The following AFAP1 variants were observed in gnomAD, a reference collection of about 807,000 sequenced individuals.
The protein encoded by AFAP1 is actin filament-associated protein 1.
A neutral mutation model predicts 93.9 loss-of-function variants in AFAP1; 75 were observed. The ratio of observed to expected loss-of-function variants is 0.80; its 90% CI spans 0.66 to 0.97. AFAP1 has a LOEUF of 0.97. Among genes scored for constraint, AFAP1 ranks in the 50% least tolerant of loss-of-function variants. The pLI, the probability that AFAP1 is intolerant of heterozygous loss-of-function variation, is 0.00. For missense variants in AFAP1, 1,201 were observed against 1,050.8 expected, an observed-to-expected ratio of 1.14 and a Z score of -1.98; for synonymous variants, 517 against 430.7, an observed-to-expected ratio of 1.20 and a Z score of -2.48.
Position 7,774,818 on chromosome 4 carries a change from C to A in AFAP1, c.1983G>T (p.Arg661Ser). The A allele has an allele frequency of 6.2e-7, 1 of 1,614,232 alleles. No individual in the cohort carries two copies. Among genetic ancestry groups the A allele is most frequent in the Non-Finnish European group, 8.5e-7 (1 of 1,180,040 alleles). Reference sequence around the variant, plus strand: ...CCAGCCTATTCCGCAGGGCCTCTTTCCTCTTCAGCAGCTCCTCCTCTTTGG... The same window carrying A: ...CCAGCCTATTCCGCAGGGCCTCTTTACTCTTCAGCAGCTCCTCCTCTTTGG... ...LQTKEEELLK[R>S]KEALRNRLAQ... is the part of the protein sequence containing the mutation. The change falls in exon 15 of 18, where the codon AGG (arginine) becomes AGT (serine). Residue 661 changes from arginine to serine, a missense_variant. Arg to Ser is a moderately radical substitution (Grantham distance 110, BLOSUM62 -1). Transcript: ENST00000420658.
At chr4:7,864,740 A>G (rs1372009925) in intron 3 of AFAP1, among the ~76,000 whole-genome samples, 1 of 152,232 alleles carries the variant, frequency 6.6e-6, no homozygotes, top group Non-Finnish European at 1.5e-5. Context: ...TAATTTGACC[A>G]TTACATAATA....
In AFAP1 at chr4:7,838,629, C is replaced by T. The variant is rs144556165; in HGVS notation, c.621G>A (p.Pro207=). The change falls in exon 6 of 18, where the codon CCG becomes CCA. Residue 207 remains proline, a synonymous_variant. Coordinates refer to ENST00000420658, the MANE Select transcript of AFAP1 (RefSeq NM_001134647.2). The part of the protein sequence containing the change: ...PLQGCNITYI[P]KDSKKKKHEL... ...CGTGCTTCTTCTTTTTGCTGTCTTT[C>T]GGGATGTACGTAATGTTACAGCCTT... 5.0e-6 allele frequency: 8 copies of T among 1,613,992 alleles called. No homozygotes were observed. Among genetic ancestry groups the T allele is most frequent in the South Asian group, 1.1e-5 (1 of 91,084 alleles).
intron 1 of AFAP1, among the ~76,000 whole-genome samples, chr4:7,903,044 T>C (rs1719204795): frequency 6.6e-6 from 1 of 152,204 alleles, no homozygotes; most frequent in South Asian, 2.1e-4. Flanking sequence ...CAGGCAAGTA[T>C]CTGAGGATGA....
intron 1 of AFAP1, among the ~76,000 whole-genome samples, chr4:7,892,855 G>A (rs140151050): frequency 5.9e-5 from 9 of 152,264 alleles, no homozygotes; most frequent in African/African-American, 9.6e-5. Flanking sequence ...GAGCAGCGGG[G>A]TGGGGGATCC....
At chr4:7,863,061 G>T (rs1248514357) in intron 3 of AFAP1, among the ~76,000 whole-genome samples, 1 of 152,186 alleles carries the variant, frequency 6.6e-6, no homozygotes, top group African/African-American at 2.4e-5. Context: ...TTTAGCACTT[G>T]CTGCAAACGA....
At position 7,819,180 on chromosome 4, in the gene AFAP1, A is replaced by T; in HGVS notation, c.727-9T>A. 6.2e-7 allele frequency: 1 copy of T among 1,605,702 alleles called. No homozygotes were observed. Among genetic ancestry groups the T allele is most frequent in the Non-Finnish European group, 8.5e-7 (1 of 1,176,466 alleles). On this transcript the variant is annotated splice_polypyrimidine_tract_variant and intron_variant, in intron 6 of 17. Transcript: ENST00000420658. ...TAGGCTTCTTTGATCACCTATAAAA[A>T]GCACAGACACTTTGTGAGTATGCCC...
rs763367846 is a variant in AFAP1, at chr4:7,913,388, C to CAA, written c.-3+26266_-3+26267dup. On this transcript the variant is annotated intron_variant, in intron 1 of 17. Transcript: ENST00000420658. The stretch of plus-strand genomic sequence containing the variant: ...CTGGGAGACAGTAAGACCCTGTCTC[C>CAA]AAAAAAAAAAAAAAAAAAAATGCTA... Among the ~76,000 whole-genome samples, 275 of 62,022 alleles carry CAA rather than the reference C, an allele frequency of 4.4e-3. 11 individuals carry two copies. The East Asian group carries it at 0.088, about 20-fold the overall frequency. 40.7% of individuals were successfully genotyped at this position (62,022 alleles called of 152,430 possible). A position where few individuals can be genotyped will look rare whatever the true frequency, so the allele number is the denominator to read the frequency against.
At chr4:7,860,810 T>C (rs563032959) in intron 3 of AFAP1, among the ~76,000 whole-genome samples, 3 of 152,142 alleles carry the variant, frequency 2.0e-5, no homozygotes, top group Non-Finnish European at 4.4e-5. Context: ...TCCAGACCTT[T>C]TGCTCCCATA....
rs1181079876 is a variant in AFAP1, at chr4:7,773,020, C to T, written c.2063-10G>A. The stretch of plus-strand genomic sequence containing the variant: ...GCCTGCGGCTTCCTGCCTGGAATTC[C>T]CAGAAACGCCGTTACTCCCGCGGCA... On this transcript the variant is annotated splice_polypyrimidine_tract_variant and intron_variant, in intron 15 of 17. Coordinates refer to ENST00000420658, the MANE Select transcript of AFAP1 (RefSeq NM_001134647.2). 1 of 1,605,294 alleles carries T rather than the reference C, an allele frequency of 6.2e-7. No homozygotes were observed. The highest frequency in any genetic ancestry group is 1.1e-5 in the South Asian group (1 of 90,880).
Position 7,786,218 on chromosome 4 carries a change from G to A in AFAP1, c.1506C>T (p.Asp502=), listed in dbSNP as rs757863744. The change falls in exon 12 of 18, where the codon GAC becomes GAT. Residue 502 remains aspartate, a synonymous_variant. Coordinates refer to ENST00000420658, the MANE Select transcript of AFAP1 (RefSeq NM_001134647.2). ...AHPSGTALHY[D]DVPCINGSWE... ...CCGAGCCGTTGATGCACGGGACATC[G>A]TCATAATGAAGTGCCGTCCCGCTGG... The A allele has an allele frequency of 9.9e-6, 16 of 1,613,990 alleles. No individual in the cohort carries two copies. Among genetic ancestry groups the A allele is most frequent in the Non-Finnish European group, 1.2e-5 (14 of 1,180,020 alleles).
intron 11 of AFAP1, among the ~76,000 whole-genome samples, chr4:7,791,842 C>CAAAAAAAAA (rs111676909): frequency 2.1e-5 from 3 of 140,568 alleles, no homozygotes; most frequent in African/African-American, 2.6e-5. Context: ...AACCCTTAAT[C>CAAAAAAAAA]AAAAAAAAAC....
rs910041499 is a variant in AFAP1 at position 7,762,769 on chromosome 4, A to C, written c.*996T>G. The C allele has an allele frequency of 6.6e-6, 1 of 152,240 alleles. No homozygotes were observed. Among genetic ancestry groups the C allele is most frequent in the Non-Finnish European group, 1.5e-5 (1 of 68,080 alleles). The allele number at this position is 152,240 out of a possible 1,614,324, so 9.4% of individuals were successfully genotyped here. On this transcript the variant is annotated 3_prime_UTR_variant, in exon 18 of 18. Transcript: ENST00000420658. ...CCTGGAATTCCTGCCTCTTGCTCTA[A>C]GGTGTTATAGTTCCATGAGCGAACA...
At chr4:7,802,403 T>C (rs1719127053) in intron 9 of AFAP1, among the ~76,000 whole-genome samples, 1 of 152,182 alleles carries the variant, frequency 6.6e-6, no homozygotes, top group Admixed American at 6.5e-5. Context: ...GAAGAGGCCC[T>C]AGAATTAAAG....
chr4:7,782,964 C>G (rs187803605), intron 12 of AFAP1, among the ~76,000 whole-genome samples: 2 of 152,196 alleles, frequency 1.3e-5, no homozygotes, highest in African/African-American at 4.8e-5. Flanking sequence ...CCTAAAATAC[C>G]AAAGATTAAG....
intron 1 of AFAP1, among the ~76,000 whole-genome samples, chr4:7,912,737 T>C (rs933304191): frequency 6.6e-6 from 1 of 152,226 alleles, no homozygotes. Context: ...CCTCTTTTCA[T>C]CTTTATTTTG....
chr4:7,926,839 G>T (rs1017225281), intron 1 of AFAP1, among the ~76,000 whole-genome samples: 1 of 152,110 alleles, frequency 6.6e-6, no homozygotes, highest in Non-Finnish European at 1.5e-5. Context: ...TGGTTCAAGC[G>T]ATTCTCCCGC....
intron 9 of AFAP1, 148 bp from the exon 10 acceptor site, chr4:7,800,801 G>A (rs532750395): frequency 1.6e-5 from 13 of 799,052 alleles, no homozygotes; most frequent in Admixed American, 4.8e-5. Flanking sequence ...ATGCAAATTC[G>A]CATAAACTAG....
chr4:7,868,973 G>GAA (rs1397432699), intron 2 of AFAP1, among the ~76,000 whole-genome samples: 2 of 92,654 alleles, frequency 2.2e-5, no homozygotes, highest in Non-Finnish European at 4.6e-5. Flanking sequence ...AAAGAGAAAA[G>GAA]AAAAAAGAAA....
chr4:7,937,248 A>G (rs1721438918), intron 1 of AFAP1, among the ~76,000 whole-genome samples: 1 of 152,266 alleles, frequency 6.6e-6, no homozygotes, highest in Non-Finnish European at 1.5e-5. Context: ...AAGGAAAAAA[A>G]GGGGAAGAAG....
Sources: gnomAD v4.1 joint callset for allele counts (sites outside exome capture counted in the v4.1 genomes callset) on GRCh38, gnomAD v4.1.1 for gene constraint, MANE v1.5 for transcripts, NCBI Gene and HGNC (gene_info 2026-07-23, HGNC 2026-07-21) for gene names.